The following GRID1 variants were observed in gnomAD, a reference collection of about 807,000 sequenced individuals.
GRID1 encodes glutamate ionotropic receptor delta type subunit 1.
Under a neutral mutation model 98.0 loss-of-function variants are expected in GRID1, and 28 were observed. The ratio of observed to expected loss-of-function variants is 0.29; its 90% CI spans 0.21 to 0.39. GRID1 has a LOEUF of 0.39. Among genes scored for constraint, GRID1 ranks in the 10% least tolerant of loss-of-function variants. GRID1 has a pLI of 1.00. For synonymous variants in GRID1, 553 were observed against 538.5 expected (o/e 1.03, Z -0.37); for missense variants, 1,111 against 1,340.5 (o/e 0.83, Z 2.67).
intron 8 of GRID1, among the ~76,000 whole-genome samples, chr10:85,774,568 C>A (rs1842309625): frequency 6.6e-6 from 1 of 151,920 alleles, no homozygotes; most frequent in Non-Finnish European, 1.5e-5. Context: ...ATTTTCGCAA[C>A]CTACTCATCT....
chr10:85,619,779 T>C (rs1032930505), intron 14 of GRID1, 88 bp downstream of exon 14: 1 of 988,062 alleles, frequency 1.0e-6, no homozygotes, highest in South Asian at 1.5e-5. Context: ...GATGTTTGCA[T>C]TGGCTCTTAT....
chr10:85,785,031 T>C (rs1258035306), intron 8 of GRID1, among the ~76,000 whole-genome samples: 7 of 152,186 alleles, frequency 4.6e-5, no homozygotes, highest in African/African-American at 1.7e-4. Flanking sequence ...CTCCCTTGTA[T>C]GTAGATAGCA....
chr10:86,019,650 C>T (rs567628127), intron 4 of GRID1, among the ~76,000 whole-genome samples: 3 of 152,236 alleles, frequency 2.0e-5, no homozygotes, highest in African/African-American at 7.2e-5. Flanking sequence ...CTGTCTTTCA[C>T]AGATTAAGAA....
chr10:86,000,722 C>T (rs1308965903), intron 4 of GRID1, among the ~76,000 whole-genome samples: 2 of 152,092 alleles, frequency 1.3e-5, no homozygotes, highest in African/African-American at 2.4e-5. Context: ...ATCCATATAT[C>T]AAAAAAATTG....
intron 8 of GRID1, among the ~76,000 whole-genome samples, chr10:85,763,584 C>G (rs889108302): frequency 6.6e-6 from 1 of 152,242 alleles, no homozygotes; most frequent in Non-Finnish European, 1.5e-5. Flanking sequence ...GCAGACATCA[C>G]CAACATGGGT....
At chr10:86,034,474 A>G (rs1843228230) in intron 4 of GRID1, among the ~76,000 whole-genome samples, 1 of 152,118 alleles carries the variant, frequency 6.6e-6, no homozygotes, top group African/African-American at 2.4e-5. Context: ...TTTAGAGGGG[A>G]GGAAAATGAA....
At chr10:85,832,619 G>A (rs1423367216) in intron 8 of GRID1, among the ~76,000 whole-genome samples, 1 of 152,060 alleles carries the variant, frequency 6.6e-6, no homozygotes, top group Non-Finnish European at 1.5e-5. Context: ...AATGCAAAAG[G>A]CAATGAAAGG....
intron 8 of GRID1, among the ~76,000 whole-genome samples, chr10:85,805,946 A>C (rs1300645049): frequency 6.6e-6 from 1 of 151,834 alleles, no homozygotes; most frequent in Non-Finnish European, 1.5e-5. Flanking sequence ...GGAAACAAAA[A>C]GCCATAAAAG....
chr10:85,875,278 C>T (rs866768122), intron 5 of GRID1, among the ~76,000 whole-genome samples: 2 of 152,150 alleles, frequency 1.3e-5, no homozygotes, highest in African/African-American at 4.8e-5. Flanking sequence ...AGTAACACAT[C>T]TTGCCTTATG....
In GRID1 at chr10:86,139,175, T is replaced by C. The variant is rs560228573; in HGVS notation, c.521-151A>G. 135 of 634,764 alleles carry C rather than the reference T, an allele frequency of 2.1e-4. 1 individual carries two copies. Among genetic ancestry groups the C allele is most frequent in the South Asian group, 2.1e-3 (115 of 54,100 alleles). The allele number at this position is 634,764 out of a possible 1,614,324, so 39.3% of individuals were successfully genotyped here. ...CCTCAGTGATTCCCGTAAACAGAGGTTGGAGGACGCCGGCGTAGACCCAGC... is the reference window on the plus strand; with the variant it reads ...CCTCAGTGATTCCCGTAAACAGAGGCTGGAGGACGCCGGCGTAGACCCAGC... On this transcript the variant is annotated intron_variant, in intron 3 of 15. Transcript: ENST00000327946.
chr10:86,312,378 A>G (rs2132089201), intron 2 of GRID1, among the ~76,000 whole-genome samples: 1 of 152,308 alleles, frequency 6.6e-6, no homozygotes, highest in East Asian at 1.9e-4. Context: ...GCACTCACCC[A>G]TCGCCTCCCA....
intron 3 of GRID1, among the ~76,000 whole-genome samples, chr10:86,143,973 T>C: frequency 6.6e-6 from 1 of 152,054 alleles, no homozygotes; most frequent in Non-Finnish European, 1.5e-5. Flanking sequence ...CACCAGGCCT[T>C]CTCAATACCC....
intron 4 of GRID1, among the ~76,000 whole-genome samples, chr10:85,965,432 T>C (rs1389800463): frequency 6.6e-6 from 1 of 152,152 alleles, no homozygotes; most frequent in Non-Finnish European, 1.5e-5. Flanking sequence ...GTGGCACATA[T>C]ACACCGTGGA....
chr10:86,039,933 G>A (rs1042496015), intron 4 of GRID1, among the ~76,000 whole-genome samples: 1 of 152,152 alleles, frequency 6.6e-6, no homozygotes, highest in Non-Finnish European at 1.5e-5. Context: ...ACTAGCACAT[G>A]GAGTGGTAAT....
intron 12 of GRID1, among the ~76,000 whole-genome samples, chr10:85,689,365 A>G (rs192981737): frequency 1.3e-5 from 2 of 152,298 alleles, no homozygotes; most frequent in East Asian, 3.9e-4. Flanking sequence ...CCACATGGAA[A>G]GTAGAGAAAA....
chr10:86,188,782 ACTATCTAAG>A (rs1845760852), intron 3 of GRID1, among the ~76,000 whole-genome samples: 1 of 152,174 alleles, frequency 6.6e-6, no homozygotes, highest in Non-Finnish European at 1.5e-5. Flanking sequence ...CATTTAATCC[ACTATCTAAG>A]CTATGGGGAT....
At chr10:86,301,759 T>A (rs929781758) in intron 2 of GRID1, among the ~76,000 whole-genome samples, 1 of 152,264 alleles carries the variant, frequency 6.6e-6, no homozygotes, top group Non-Finnish European at 1.5e-5. Flanking sequence ...TCATCACTGA[T>A]AAAGGACCCC....
intron 2 of GRID1, among the ~76,000 whole-genome samples, chr10:86,340,205 C>CAA (rs1848290440): frequency 6.6e-6 from 1 of 152,110 alleles, no homozygotes; most frequent in Admixed American, 6.5e-5. Flanking sequence ...AGGGGACACT[C>CAA]AGACGCCCAG....
At chr10:85,706,319 C>T (rs1351743288) in intron 12 of GRID1, among the ~76,000 whole-genome samples, 2 of 152,148 alleles carry the variant, frequency 1.3e-5, no homozygotes, top group African/African-American at 2.4e-5. Context: ...ACACCAATAA[C>T]AGACAAACAG....
Sources: allele counts gnomAD v4.1 joint callset (sites outside exome capture counted in the v4.1 genomes callset), GRCh38; gene constraint gnomAD v4.1.1; transcripts MANE v1.5; gene names NCBI Gene and HGNC (gene_info 2026-07-23, HGNC 2026-07-21).